Variants in GSG1L2 observed in about 807,000 individuals in gnomAD.
GSG1L2 encodes GSG1 like 2.
A neutral mutation model predicts 9.0 loss-of-function variants in GSG1L2; 15 were observed. That is an observed-to-expected ratio of 1.67 (90% CI 1.12 to 2.57). GSG1L2 has a LOEUF of 2.57. Among genes scored for constraint, GSG1L2 ranks in the 30% most tolerant of loss-of-function variants. The pLI, the probability that GSG1L2 is intolerant of heterozygous loss-of-function variation, is 0.00. For missense variants in GSG1L2, 286 were observed against 150.3 expected, an observed-to-expected ratio of 1.90 and a Z score of -4.72; for synonymous variants, 127 against 57.9, an observed-to-expected ratio of 2.19 and a Z score of -5.41.
chr17:9,807,672 T>C (rs755545517), intron 3 of GSG1L2, 71 bp from the exon 4 acceptor site: 2 of 699,660 alleles, frequency 2.9e-6, no homozygotes, highest in Non-Finnish European at 5.2e-6. Flanking sequence ...CGGTGTGAGT[T>C]GGCTGTAAGG....
At chr17:9,816,612 C>CTG (rs575800647) in intron 1 of GSG1L2, among the ~76,000 whole-genome samples, 785 of 35,396 alleles carry the variant, frequency 0.022, 8 homozygotes, top group African/African-American at 0.082. Context: ...CTGTGTGTGT[C>CTG]TGTGTGTCTG....
At chr17:9,815,116 G>A (rs1264457857) in intron 1 of GSG1L2, among the ~76,000 whole-genome samples, 2 of 152,158 alleles carry the variant, frequency 1.3e-5, no homozygotes, top group African/African-American at 4.8e-5. Flanking sequence ...GGCTGGGTGC[G>A]GTGGCTCACG....
chr17:9,807,381 G>C, intron 4 of GSG1L2, 109 bp downstream of exon 4: 1 of 661,700 alleles, frequency 1.5e-6, no homozygotes, highest in Non-Finnish European at 2.8e-6. Context: ...CACAATACTG[G>C]CAGATGCCAG....
intron 1 of GSG1L2, among the ~76,000 whole-genome samples, chr17:9,814,202 G>A: frequency 6.6e-6 from 1 of 152,202 alleles, no homozygotes; most frequent in South Asian, 2.1e-4. Flanking sequence ...CCGAAGTGCT[G>A]GGATTACAAG....
intron 2 of GSG1L2, chr17:9,809,512 A>G (rs1039706720): frequency 6.3e-6 from 1 of 159,014 alleles, no homozygotes; most frequent in African/African-American, 2.4e-5. Context: ...GCCAGCTTTT[A>G]TCCCCTTATT....
rs919510208 is a variant in GSG1L2, at chr17:9,801,337, A to G, written c.*1049T>C. Among the ~76,000 whole-genome samples, 6 of 151,438 alleles carry G rather than the reference A, an allele frequency of 4.0e-5. No homozygotes were observed. Among genetic ancestry groups the G allele is most frequent in the Non-Finnish European group, 7.4e-5 (5 of 67,950 alleles). ...ATTTCCCTGCCTCAGCCTCCTGAGT[A>G]GCTGGGATTACAGACATGTGCCACC... On this transcript the variant is annotated 3_prime_UTR_variant, in exon 5 of 5. Transcript: ENST00000399363.
chr17:9,816,407 T>TATGTGTCTGTGTCTGTGTGTGTGC (rs1382285643), intron 1 of GSG1L2, among the ~76,000 whole-genome samples: 1 of 148,496 alleles, frequency 6.7e-6, no homozygotes, highest in African/African-American at 2.5e-5. Flanking sequence ...TGTGTGTGTG[T>TATGTGTCTGTGTCTGTGTGTGTGC]GTGTGTGTCT....
At chr17:9,808,010 T>G (rs2066522796) in intron 3 of GSG1L2, 1 of 159,552 alleles carries the variant, frequency 6.3e-6, no homozygotes, top group African/African-American at 2.4e-5. Flanking sequence ...TGGGGGGACC[T>G]CTGATTGAGA....
chr17:9,818,758 C>T (rs1342049410), intron 1 of GSG1L2, among the ~76,000 whole-genome samples: 3 of 137,342 alleles, frequency 2.2e-5, no homozygotes, highest in Non-Finnish European at 3.0e-5. Flanking sequence ...ATCCAATCAC[C>T]TCCCACCAGC....
intron 1 of GSG1L2, among the ~76,000 whole-genome samples, chr17:9,816,207 G>A (rs1051545298): frequency 1.3e-5 from 2 of 152,224 alleles, no homozygotes; most frequent in Non-Finnish European, 2.9e-5. Flanking sequence ...AATGGACAAC[G>A]ACAGAAGTCA....
intron 1 of GSG1L2, among the ~76,000 whole-genome samples, chr17:9,816,868 G>GTA (rs879425798): frequency 2.8e-5 from 4 of 143,218 alleles, no homozygotes; most frequent in Admixed American, 6.8e-5. Context: ...GTATGTGTGT[G>GTA]TCTGTGTGTG....
chr17:9,812,375 C>T (rs1253482608), intron 1 of GSG1L2, among the ~76,000 whole-genome samples: 1 of 152,116 alleles, frequency 6.6e-6, no homozygotes, highest in African/African-American at 2.4e-5. Flanking sequence ...CTCCTGTTAG[C>T]TTTTATGTCC....
intron 4 of GSG1L2, among the ~76,000 whole-genome samples, chr17:9,802,930 T>G (rs2066502821): frequency 6.6e-6 from 1 of 152,126 alleles, no homozygotes; most frequent in Non-Finnish European, 1.5e-5. Flanking sequence ...ATCAGTTCCC[T>G]CATCTGCAAA....
At chr17:9,807,391 G>T (rs1335302357) in intron 4 of GSG1L2, 99 bp downstream of exon 4, 1 of 676,418 alleles carries the variant, frequency 1.5e-6, no homozygotes, top group Non-Finnish European at 2.7e-6. Context: ...GCAGATGCCA[G>T]CACTATGACC....
rs376764419 is a variant in GSG1L2 at position 9,814,625 on chromosome 17, T to C, written c.311-4007A>G. ...TTTGATGAATATGAATCCTTAGAAA[T>C]GGTGTTCGTTTTGAATAAAGCCAGA... On this transcript the variant is annotated intron_variant, in intron 1 of 4. Coordinates refer to ENST00000399363, the MANE Select transcript of GSG1L2 (RefSeq NM_001310219.2). Among the ~76,000 whole-genome samples, 8 of 152,154 alleles carry C rather than the reference T, an allele frequency of 5.3e-5. No homozygotes were observed. The East Asian group carries it at 1.5e-3, about 29-fold the overall frequency.
intron 4 of GSG1L2, among the ~76,000 whole-genome samples, chr17:9,803,057 C>T (rs2066503319): frequency 6.6e-6 from 1 of 150,698 alleles, no homozygotes. Context: ...CAGATTATTG[C>T]TGTTGTTGGC....
Position 9,820,663 on chromosome 17 carries a change from T to TG in GSG1L2, c.310+1098_310+1099insC, listed in dbSNP as rs2066585554. 4.8e-5 allele frequency among the ~76,000 whole-genome samples: 1 copy of TG among 20,902 alleles called. No homozygotes were observed. The allele number at this position is 20,902 out of a possible 152,430, so 13.7% of individuals were successfully genotyped here. On this transcript the variant is annotated intron_variant, in intron 1 of 4. Transcript: ENST00000399363. This position sits in a 1 kb window ranked among gnomAD's most constrained non-coding sequence, Gnocchi z 4.9. ...ACATACAGCACCTCTGAGTGTTCCT[T>TG]TTTTTTTTTTTTTAATTTGAGACAG... is the stretch of plus-strand genomic sequence containing the variant.
At position 9,802,514 on chromosome 17, in the gene GSG1L2, A is replaced by T. The variant is rs1205470815; in HGVS notation, c.754T>A (p.Phe252Ile). 5.7e-6 allele frequency: 4 copies of T among 701,780 alleles called. No homozygotes were observed. 43.5% of individuals were successfully genotyped at this position (701,780 alleles called of 1,614,324 possible). ...CTCTCCGAAGCCTCGGGTTCCAGGA[A>T]GCTGTGTTGAGAGTGCCGACTGCCG... is the stretch of plus-strand genomic sequence containing the variant. Reference protein sequence around the residue: ...QNGSRHSQHSFLEPEASESIW... With the variant: ...QNGSRHSQHSILEPEASESIW... Residue 252 changes from phenylalanine to isoleucine, a missense_variant, in exon 5 of 5, where the codon TTC becomes ATC. Physicochemically the swap from Phe to Ile is conservative, Grantham distance 21 (BLOSUM62 0). Coordinates refer to ENST00000399363, the MANE Select transcript of GSG1L2 (RefSeq NM_001310219.2).
chr17:9,807,948 T>G lies in GSG1L2; in HGVS notation c.512-347A>C, dbSNP rs1229078596. 3 of 208,966 alleles carry G rather than the reference T, an allele frequency of 1.4e-5. No individual in the cohort carries two copies. In the East Asian group the frequency reaches 3.0e-4, roughly 21 times the overall value. 12.9% of individuals were successfully genotyped at this position (208,966 alleles called of 1,614,324 possible). A position where few individuals can be genotyped will look rare whatever the true frequency, so the allele number is the denominator to read the frequency against. ...GGCATGCACCTGTAATCCCAGGTAC[T>G]CGGGAGGCTGAGGAGGGAGGATTGC... On this transcript the variant is annotated intron_variant, in intron 3 of 4. Transcript: ENST00000399363.
Sources: allele counts gnomAD v4.1 joint callset (sites outside exome capture counted in the v4.1 genomes callset), GRCh38; gene constraint gnomAD v4.1.1; non-coding constraint Gnocchi (gnomAD v3.1); transcripts MANE v1.5; gene names NCBI Gene and HGNC (gene_info 2026-07-23, HGNC 2026-07-21).